Variants in SAMD11 observed in about 807,000 individuals in gnomAD.
The protein encoded by SAMD11 is sterile alpha motif domain-containing protein 11.
Under a neutral mutation model 64.4 loss-of-function variants are expected in SAMD11, and 77 were observed. The observed-to-expected ratio is 1.20, with a 90% CI of 0.99 to 1.44. The LOEUF (loss-of-function observed/expected upper bound fraction) is 1.44, where lower values mean the gene tolerates loss of function less well. Ranked by LOEUF, SAMD11 falls within the 40% of genes most tolerant of loss-of-function variation. The pLI, the probability that SAMD11 is intolerant of heterozygous loss-of-function variation, is 0.00. For missense variants in SAMD11, 1,402 were observed against 943.3 expected (o/e 1.49, Z -6.37); for synonymous variants, 658 against 421.9 (o/e 1.56, Z -6.86).
rs959899529 is a variant in SAMD11, at chr1:924,128, G to A, written c.-304G>A. On this transcript the variant is annotated 5_prime_UTR_variant, in exon 1 of 14. Transcript: ENST00000616016. The stretch of plus-strand genomic sequence containing the variant: ...CCCCGGGCGCGGGCGCTGGTGGCCG[G>A]GGCGCGGGACTCCAGACGCCCCGGG... 1 of 149,686 alleles carries A rather than the reference G, an allele frequency of 6.7e-6. No individual in the cohort carries two copies. Among genetic ancestry groups the A allele is most frequent in the Non-Finnish European group, 1.5e-5 (1 of 67,052 alleles). The allele number at this position is 149,686 out of a possible 1,614,324, so 9.3% of individuals were successfully genotyped here. A position where few individuals can be genotyped will look rare whatever the true frequency, so the allele number is the denominator to read the frequency against.
chr1:940,701 C>T (rs1641710706), intron 7 of SAMD11, among the ~76,000 whole-genome samples: 1 of 152,246 alleles, frequency 6.6e-6, no homozygotes, highest in Non-Finnish European at 1.5e-5. Context: ...CGCTGCCTTG[C>T]CTTTGTGACA....
At chr1:929,350 A>G (rs1231676530) in intron 2 of SAMD11, among the ~76,000 whole-genome samples, 1 of 152,186 alleles carries the variant, frequency 6.6e-6, no homozygotes, top group Non-Finnish European at 1.5e-5. Flanking sequence ...GCCCTGTGAG[A>G]AATGCGGGGC....
intron 12 of SAMD11, 22 bp downstream of exon 12, chr1:943,399 T>TG (rs750430534): frequency 2.6e-5 from 39 of 1,508,638 alleles, no homozygotes; most frequent in Non-Finnish European, 3.3e-5. Context: ...CCCCAGTTCC[T>TG]GGGGCGGGGC....
At chr1:930,631 C>T (rs752059910) in intron 3 of SAMD11, among the ~76,000 whole-genome samples, 3 of 152,230 alleles carry the variant, frequency 2.0e-5, no homozygotes, top group Non-Finnish European at 1.5e-5. Flanking sequence ...CCTTGCTGAC[C>T]GGGTCCCAGT....
At chr1:926,190 C>T (rs971762676) in intron 2 of SAMD11, among the ~76,000 whole-genome samples, 177 bp downstream of exon 2, 1 of 152,160 alleles carries the variant, frequency 6.6e-6, no homozygotes, top group African/African-American at 2.4e-5. Flanking sequence ...GCCCTTCTAC[C>T]TGGACGGGGG....
In SAMD11 at chr1:942,669, A is replaced by C; in HGVS notation, c.1664A>C (p.Gln555Pro). 1 of 1,431,682 alleles carries C rather than the reference A, an allele frequency of 7.0e-7. No homozygotes were observed. The highest frequency in any genetic ancestry group is 1.4e-5 in the South Asian group (1 of 70,884). 88.7% of individuals were successfully genotyped at this position (1,431,682 alleles called of 1,614,324 possible). A position where few individuals can be genotyped will look rare whatever the true frequency, so the allele number is the denominator to read the frequency against. ...CCCAACGACGGCGCCGAGGAGCTGCAGCGGCGCGGGGCCCTGCTGGTGCTG... is the reference window on the plus strand; with the variant it reads ...CCCAACGACGGCGCCGAGGAGCTGCCGCGGCGCGGGGCCCTGCTGGTGCTG... The part of the protein sequence containing the change: ...LRPNDGAEEL[Q>P]RRGALLVLNH... The change falls in exon 11 of 14, where the codon CAG becomes CCG. Residue 555 changes from glutamine (Q) to proline (P), a missense_variant. Coordinates refer to ENST00000616016, the MANE Select transcript of SAMD11 (RefSeq NM_001385641.1).
rs760804205 is a variant in SAMD11 at position 930,334 on chromosome 1, A to G, written c.789A>G (p.Arg263=). ...EDGPHIRIMK[R]RVHTHWDVNI... ...GTCCGCACATCCGTATCATGAAGAG[A>G]AGGTACTTGGACCAGGGCCGGACAG... The change falls in exon 3 of 14, where the codon AGA becomes AGG. Residue 263 remains arginine, a splice_region_variant and synonymous_variant. Transcript: ENST00000616016. The G allele has an allele frequency of 3.1e-6, 5 of 1,601,794 alleles. No homozygotes were observed. Among genetic ancestry groups the G allele is most frequent in the South Asian group, 2.3e-5 (2 of 88,798 alleles).
At chr1:925,686 C>T in intron 1 of SAMD11, 1 of 464,826 alleles carries the variant, frequency 2.2e-6, no homozygotes, top group South Asian at 2.3e-5. Flanking sequence ...GGTGGGGACG[C>T]CCAGGCCCTT....
rs1297370231 is a variant in SAMD11 at position 942,671 on chromosome 1, C to A, written c.1666C>A (p.Arg556=). ...RPNDGAEELQ[R]RGALLVLNHG... is the part of the protein sequence containing the mutation. ...CAACGACGGCGCCGAGGAGCTGCAG[C>A]GGCGCGGGGCCCTGCTGGTGCTGAA... Residue 556 remains arginine (R), a synonymous_variant, in exon 11 of 14, where the codon CGG becomes AGG. Transcript: ENST00000616016. 3.5e-6 allele frequency: 5 copies of A among 1,429,922 alleles called. No individual in the cohort carries two copies. Among genetic ancestry groups the A allele is most frequent in the Non-Finnish European group, 4.5e-6 (5 of 1,099,826 alleles). 88.6% of individuals were successfully genotyped at this position (1,429,922 alleles called of 1,614,324 possible).
rs781128456 is a variant in SAMD11 at position 942,598 on chromosome 1, G to C, written c.1593G>C (p.Leu531=). 7.0e-7 allele frequency: 1 copy of C among 1,435,734 alleles called. No homozygotes were observed. The highest frequency in any genetic ancestry group is 9.1e-7 in the Non-Finnish European group (1 of 1,102,374). 88.9% of individuals were successfully genotyped at this position (1,435,734 alleles called of 1,614,324 possible). The change falls in exon 11 of 14, where the codon CTG becomes CTC. Residue 531 remains leucine, a synonymous_variant. Coordinates refer to ENST00000616016, the MANE Select transcript of SAMD11 (RefSeq NM_001385641.1). ...LPADLLRQKE[L]ESARPQLLAP... is the part of the protein sequence containing the mutation. ...CCGACCTCCTGCGGCAGAAGGAGCTGGAGAGCGCGCGCCCACAGCTGCTGG... is the reference window on the plus strand; with the variant it reads ...CCGACCTCCTGCGGCAGAAGGAGCTCGAGAGCGCGCGCCCACAGCTGCTGG...
Position 925,761 on chromosome 1 carries a change from C to T in SAMD11, c.518-161C>T, listed in dbSNP as rs562400671. The T allele has an allele frequency of 3.9e-4, 238 of 614,834 alleles. No homozygotes were observed. The African/African-American group carries it at 4.0e-3, about 10-fold the overall frequency. 38.1% of individuals were successfully genotyped at this position (614,834 alleles called of 1,614,324 possible). A position where few individuals can be genotyped will look rare whatever the true frequency, so the allele number is the denominator to read the frequency against. The stretch of plus-strand genomic sequence containing the variant: ...GCCCAGCAGATCCCTGCGGCGTTCG[C>T]GAGGGTGGGACGGGAAGCGGGCTGG... On this transcript the variant is annotated intron_variant, in intron 1 of 13. Coordinates refer to ENST00000616016, the MANE Select transcript of SAMD11 (RefSeq NM_001385641.1).
chr1:925,960 C>T lies in SAMD11; in HGVS notation c.556C>T (p.Gln186Ter). 6.2e-7 allele frequency: 1 copy of T among 1,612,080 alleles called. No individual in the cohort carries two copies. Among genetic ancestry groups the T allele is most frequent in the Non-Finnish European group, 8.5e-7 (1 of 1,179,892 alleles). Residue 186 changes from glutamine to a stop codon, truncating the protein, a stop_gained, in exon 2 of 14, where the codon CAG becomes TAG. Coordinates refer to ENST00000616016, the MANE Select transcript of SAMD11 (RefSeq NM_001385641.1). LOFTEE classifies it high-confidence loss of function. ...GACGCTTATGTCCAAGGGGATCCTGCAGGTGCATCCTCCGATCTGCGACTG... is the reference window on the plus strand; with the variant it reads ...GACGCTTATGTCCAAGGGGATCCTGTAGGTGCATCCTCCGATCTGCGACTG... ...LKTLMSKGIL[Q>*]VHPPICDCPG...
intron 11 of SAMD11, 46 bp from the exon 12 acceptor site, chr1:943,207 T>C (rs1217046878): frequency 6.2e-7 from 1 of 1,608,778 alleles, no homozygotes; most frequent in Admixed American, 1.7e-5. Context: ...GACGGGCGGG[T>C]ATGGGAAAGC....
chr1:943,518 C>A, intron 12 of SAMD11, 141 bp downstream of exon 12: 2 of 884,610 alleles, frequency 2.3e-6, no homozygotes, highest in Non-Finnish European at 3.2e-6. Context: ...CTGGACTGTG[C>A]ACCCCACCTT....
chr1:940,566 C>A (rs970456337), intron 7 of SAMD11: 9 of 152,536 alleles, frequency 5.9e-5, no homozygotes, highest in African/African-American at 2.2e-4. Context: ...GCCGAGAGAC[C>A]TGGGACGCGG....
chr1:931,495 T>C (rs1385873302), intron 4 of SAMD11, among the ~76,000 whole-genome samples: 1 of 152,074 alleles, frequency 6.6e-6, no homozygotes, highest in Non-Finnish European at 1.5e-5. Flanking sequence ...AGTGGGGCCC[T>C]GAAGGGTGTG....
intron 7 of SAMD11, chr1:940,300 C>CG (rs1641679889): frequency 1.4e-5 from 2 of 142,224 alleles, no homozygotes; most frequent in African/African-American, 5.0e-5. Context: ...GCCGCCGCCC[C>CG]CCCCCCCCGC....
Position 943,748 on chromosome 1 carries a change from G to T in SAMD11, c.2229G>T (p.Glu743Asp), listed in dbSNP as rs1557612082. The T allele has an allele frequency of 1.2e-6, 2 of 1,609,826 alleles. No individual in the cohort carries two copies. Among genetic ancestry groups the T allele is most frequent in the East Asian group, 4.5e-5 (2 of 44,776 alleles). The change falls in exon 13 of 14, where the codon GAG becomes GAT. Residue 743 changes from glutamate (E) to aspartate (D), a missense_variant. Coordinates refer to ENST00000616016, the MANE Select transcript of SAMD11 (RefSeq NM_001385641.1). ...IDGETLPLLT[E>D]EHLLTNMGLK... Reference sequence around the variant, plus strand: ...GGGAGACCCTGCCACTGCTGACGGAGGAGCACCTGCTGACCAACATGGGGC... The same window carrying T: ...GGGAGACCCTGCCACTGCTGACGGATGAGCACCTGCTGACCAACATGGGGC...
At chr1:929,050 G>A (rs1339423307) in intron 2 of SAMD11, among the ~76,000 whole-genome samples, 1 of 152,226 alleles carries the variant, frequency 6.6e-6, no homozygotes, top group African/African-American at 2.4e-5. Flanking sequence ...CCAGCGGCCT[G>A]TTACTACATT....
Sources: gnomAD v4.1 joint callset for allele counts (sites outside exome capture counted in the v4.1 genomes callset) on GRCh38, gnomAD v4.1.1 for gene constraint, MANE v1.5 for transcripts, NCBI Gene and HGNC (gene_info 2026-07-23, HGNC 2026-07-21) for gene names.